The following ABTB2 variants were observed in gnomAD, a reference collection of about 807,000 sequenced individuals.
ABTB2 encodes the protein ankyrin repeat and BTB domain containing 2, also known as ankyrin repeat and BTB/POZ domain-containing protein 2.
ABTB2 carries 56 observed loss-of-function variants against 104.1 expected under a neutral mutation model. That is an observed-to-expected ratio of 0.54 (90% confidence interval 0.43 to 0.67). ABTB2 has a LOEUF of 0.67. Among genes scored for constraint, ABTB2 ranks in the 30% least tolerant of loss-of-function variants. The pLI, the probability that ABTB2 is intolerant of heterozygous loss-of-function variation, is 0.00. For synonymous variants in ABTB2, 606 were observed against 608.2 expected (o/e 1.00, Z 0.05); for missense variants, 1,279 against 1,407.7 (o/e 0.91, Z 1.46).
At chr11:34,219,226 T>C (rs563601825) in intron 1 of ABTB2, among the ~76,000 whole-genome samples, 3 of 152,202 alleles carry the variant, frequency 2.0e-5, no homozygotes, top group Non-Finnish European at 4.4e-5. Context: ...GCATATACGA[T>C]GGTGGTCCCA....
intron 1 of ABTB2, among the ~76,000 whole-genome samples, chr11:34,294,316 G>GTT (rs1182127876): frequency 1.3e-5 from 2 of 152,182 alleles, no homozygotes; most frequent in African/African-American, 4.8e-5. Flanking sequence ...GGGCAACAGA[G>GTT]CGAGACGCTG....
intron 1 of ABTB2, among the ~76,000 whole-genome samples, chr11:34,276,285 C>A (rs754926372): frequency 6.6e-6 from 1 of 151,994 alleles, no homozygotes; most frequent in Admixed American, 6.6e-5. Context: ...GTTGAAGGGT[C>A]CTAACCAATT....
chr11:34,208,487 C>G (rs2746632), intron 1 of ABTB2, among the ~76,000 whole-genome samples: 90,106 of 151,926 alleles, frequency 0.59, 27,042 homozygotes, highest in Non-Finnish European at 0.64. Context: ...TGAGCATGAT[C>G]GAGTGATCCT....
intron 3 of ABTB2, among the ~76,000 whole-genome samples, chr11:34,190,272 C>CCCAA (rs575570208): frequency 8.7e-6 from 1 of 115,122 alleles, no homozygotes; most frequent in Non-Finnish European, 1.7e-5. Context: ...GCTGCCCCCC[C>CCCAA]AAAAAAAAAA....
intron 1 of ABTB2, among the ~76,000 whole-genome samples, chr11:34,264,546 A>C (rs1854225210): frequency 6.6e-6 from 1 of 152,238 alleles, no homozygotes; most frequent in South Asian, 2.1e-4. Context: ...TTTTGCTGCC[A>C]GCAATTTAGC....
chr11:34,306,562 TAA>T (rs1296444375), intron 1 of ABTB2, among the ~76,000 whole-genome samples: 3 of 151,938 alleles, frequency 2.0e-5, no homozygotes, highest in Non-Finnish European at 4.4e-5. Flanking sequence ...AGCTGTTTTT[TAA>T]AAAGACATTC....
chr11:34,210,370 C>G (rs1853466665), intron 1 of ABTB2, among the ~76,000 whole-genome samples: 1 of 152,222 alleles, frequency 6.6e-6, no homozygotes, highest in Non-Finnish European at 1.5e-5. Flanking sequence ...AGTGGGAACA[C>G]AGAGACCTTG....
intron 1 of ABTB2, among the ~76,000 whole-genome samples, chr11:34,284,935 C>T (rs1245808427): frequency 6.6e-6 from 1 of 152,218 alleles, no homozygotes; most frequent in Non-Finnish European, 1.5e-5. Flanking sequence ...TGGCCGTCCT[C>T]AGCCCAGGAC....
chr11:34,316,814 A>G (rs915263723), intron 1 of ABTB2, among the ~76,000 whole-genome samples: 43 of 152,232 alleles, frequency 2.8e-4, no homozygotes, highest in African/African-American at 1.0e-3. Flanking sequence ...TTAAGGGTAT[A>G]CAAAGGACCT....
intron 1 of ABTB2, among the ~76,000 whole-genome samples, chr11:34,278,931 G>A (rs888512051): frequency 2.0e-5 from 3 of 152,242 alleles, no homozygotes; most frequent in African/African-American, 7.2e-5. Flanking sequence ...AGCCACTGTG[G>A]AAGTGCAATG....
chr11:34,175,847 G>T (rs1441323363), intron 3 of ABTB2, among the ~76,000 whole-genome samples: 1 of 152,066 alleles, frequency 6.6e-6, no homozygotes, highest in Non-Finnish European at 1.5e-5. Flanking sequence ...TGGACCTCAG[G>T]CCCACCCTGC....
intron 1 of ABTB2, among the ~76,000 whole-genome samples, chr11:34,229,430 G>C (rs1473009275): frequency 6.9e-6 from 1 of 145,356 alleles, no homozygotes; most frequent in Non-Finnish European, 1.5e-5. Context: ...GCAGTGAGCA[G>C]AGATCGCACC....
At chr11:34,351,248 T>C (rs573064178) in intron 1 of ABTB2, among the ~76,000 whole-genome samples, 2 of 144,802 alleles carry the variant, frequency 1.4e-5, no homozygotes, top group African/African-American at 2.8e-5. Flanking sequence ...GGGACACAGA[T>C]GTAAACTCTT....
intron 13 of ABTB2, 39 bp downstream of exon 13, chr11:34,159,867 T>C: frequency 6.6e-7 from 1 of 1,509,390 alleles, no homozygotes; most frequent in Non-Finnish European, 9.2e-7. Flanking sequence ...GGTGCTTCTG[T>C]GCCCCTGGGC....
intron 2 of ABTB2, among the ~76,000 whole-genome samples, chr11:34,201,143 G>A (rs965426439): frequency 1.4e-4 from 21 of 152,202 alleles, no homozygotes; most frequent in Admixed American, 1.2e-3. Context: ...AGGCTAGGCT[G>A]GGCTCTCAGT....
chr11:34,188,064 T>C (rs547762634), intron 3 of ABTB2, among the ~76,000 whole-genome samples: 41 of 152,306 alleles, frequency 2.7e-4, no homozygotes, highest in African/African-American at 9.4e-4. Flanking sequence ...AACATGTAGC[T>C]ACCTTATTCG....
chr11:34,231,479 A>C (rs1467582147), intron 1 of ABTB2, among the ~76,000 whole-genome samples: 1 of 152,162 alleles, frequency 6.6e-6, no homozygotes, highest in Non-Finnish European at 1.5e-5. Context: ...GGGGAATAAT[A>C]CTTGACAGTA....
chr11:34,248,088 A>ATTTTT (rs377220875), intron 1 of ABTB2, among the ~76,000 whole-genome samples: 4 of 78,364 alleles, frequency 5.1e-5, no homozygotes, highest in African/African-American at 7.1e-5. Flanking sequence ...CTTATCTATA[A>ATTTTT]TTTTTCTTAA....
At chr11:34,329,561 C>G (rs1189283120) in intron 1 of ABTB2, among the ~76,000 whole-genome samples, 1 of 152,228 alleles carries the variant, frequency 6.6e-6, no homozygotes, top group African/African-American at 2.4e-5. Flanking sequence ...CTAGGCCAGG[C>G]CCATCAGAGC....
Sources: gnomAD v4.1 joint callset for allele counts (sites outside exome capture counted in the v4.1 genomes callset) on GRCh38, gnomAD v4.1.1 for gene constraint, MANE v1.5 for transcripts, NCBI Gene and HGNC (gene_info 2026-07-23, HGNC 2026-07-21) for gene names.